The following MPG variants were observed in gnomAD, a reference collection of about 807,000 sequenced individuals.
The protein encoded by MPG is DNA-3-methyladenine glycosylase.
MPG carries 33 observed loss-of-function variants against 31.7 expected under a neutral mutation model. The observed-to-expected ratio is 1.04, with a 90% CI of 0.79 to 1.39. MPG has a LOEUF of 1.39. Ranked by LOEUF, MPG falls within the 40% of genes most tolerant of loss-of-function variation. MPG has a pLI of 0.00. For missense variants in MPG, 455 were observed against 415.5 expected (o/e 1.10, Z -0.83); for synonymous variants, 202 against 169.2 (o/e 1.19, Z -1.51).
chr16:85,420 G>A lies in MPG; in HGVS notation c.525G>A (p.Leu175=), dbSNP rs1476173587. Residue 175 remains leucine, a synonymous_variant, in exon 4 of 4, where the codon TTG becomes TTA. Transcript: ENST00000356432. ...CCACAGGGGACGGGGCTTGCGTCTTGCTGCGAGCACTGGAGCCCCTGGAAG... is the reference window on the plus strand; with the variant it reads ...CCACAGGGGACGGGGCTTGCGTCTTACTGCGAGCACTGGAGCCCCTGGAAG... The part of the protein sequence containing the change: ...ISSQGDGACV[L]LRALEPLEGL... The A allele has an allele frequency of 1.2e-6, 2 of 1,609,274 alleles. No homozygotes were observed.
At position 79,673 on chromosome 16, in the gene MPG, C is replaced by A; in HGVS notation, c.273C>A (p.Val91=). 3 of 1,564,756 alleles carry A rather than the reference C, an allele frequency of 1.9e-6. No homozygotes were observed. Among genetic ancestry groups the A allele is most frequent in the Non-Finnish European group, 2.6e-6 (3 of 1,153,550 alleles). ...LGLEFFDQPA[V]PLARAFLGQV... ...TGGAGTTCTTCGACCAGCCGGCAGTCCCCCTGGCCCGGGCATTTCTGGGAC... is the reference window on the plus strand; with the variant it reads ...TGGAGTTCTTCGACCAGCCGGCAGTACCCCTGGCCCGGGCATTTCTGGGAC... The change falls in exon 2 of 4, where the codon GTC becomes GTA. Residue 91 remains valine (V), a synonymous_variant. Transcript: ENST00000356432.
intron 2 of MPG, among the ~76,000 whole-genome samples, chr16:80,257 G>C (rs1195863761): frequency 6.6e-6 from 1 of 152,248 alleles, no homozygotes; most frequent in Admixed American, 6.5e-5. Context: ...GGCTGGATCT[G>C]TTGGGAGCGA....
In MPG at chr16:85,821, C is replaced by T. The variant is rs891188275; in HGVS notation, c.*44C>T. On this transcript the variant is annotated 3_prime_UTR_variant, in exon 4 of 4. Transcript: ENST00000356432. ...CAAGATTTTTTAATTGTTTAAAAAC[C>T]GAATAAATGTTTTATTTCTAGAAAA... is the stretch of plus-strand genomic sequence containing the variant. 1.7e-5 allele frequency: 24 copies of T among 1,441,766 alleles called. No homozygotes were observed. Among genetic ancestry groups the T allele is most frequent in the African/African-American group, 2.9e-5 (2 of 69,888 alleles). 89.3% of individuals were successfully genotyped at this position (1,441,766 alleles called of 1,614,324 possible).
At chr16:84,791 C>T (rs1244398246) in intron 3 of MPG, among the ~76,000 whole-genome samples, 5 of 152,302 alleles carry the variant, frequency 3.3e-5, no homozygotes, top group East Asian at 1.9e-4. Flanking sequence ...TGCAGTCAGT[C>T]CTTCCACTGA....
chr16:77,283 G>A (rs1439508247), upstream of MPG, among the ~76,000 whole-genome samples: 1 of 152,240 alleles, frequency 6.6e-6, no homozygotes, highest in Non-Finnish European at 1.5e-5. Context: ...CAGAAGCGGG[G>A]GATGGCTCTG....
intron 3 of MPG, 130 bp from the exon 4 acceptor site, chr16:85,271 C>T: frequency 9.0e-7 from 1 of 1,114,964 alleles, no homozygotes; most frequent in Non-Finnish European, 1.3e-6. Context: ...TGCAGGTGCA[C>T]AGAGCAGGTC....
intron 2 of MPG, among the ~76,000 whole-genome samples, chr16:81,519 T>C (rs1898234731): frequency 6.7e-6 from 1 of 150,184 alleles, no homozygotes; most frequent in South Asian, 2.1e-4. Flanking sequence ...GCCTGTTCAC[T>C]TCTGTCCTCA....
At chr16:80,636 C>T (rs570904901) in intron 2 of MPG, among the ~76,000 whole-genome samples, 1 of 152,086 alleles carries the variant, frequency 6.6e-6, no homozygotes, top group Middle Eastern at 3.2e-3. Flanking sequence ...TGGTGAAACC[C>T]CATCTCTACT....
upstream of MPG, among the ~76,000 whole-genome samples, chr16:77,794 C>T (rs1430521261): frequency 1.3e-5 from 2 of 152,140 alleles, no homozygotes; most frequent in Admixed American, 6.5e-5. Flanking sequence ...GCGCTCACTC[C>T]GCTGGCACCC....
upstream of MPG, among the ~76,000 whole-genome samples, chr16:77,499 C>A (rs1219144316): frequency 6.6e-6 from 1 of 152,208 alleles, no homozygotes; most frequent in African/African-American, 2.4e-5. Context: ...TGCGCACTGC[C>A]GGGCCGTGTT....
chr16:83,994 A>G (rs1233306047), intron 3 of MPG, among the ~76,000 whole-genome samples: 2 of 152,098 alleles, frequency 1.3e-5, no homozygotes, highest in African/African-American at 4.8e-5. Context: ...AAGTGATCAA[A>G]GGGGTCATGT....
In MPG at chr16:80,859, G is replaced by A. The variant is rs564203149; in HGVS notation, c.300+1159G>A. ...CATTTGTGATACAACAAAACAGCAC[G>A]TGTGGCAGGTGCGTCGTAGGAACAG... On this transcript the variant is annotated intron_variant, in intron 2 of 3. Coordinates refer to ENST00000356432, the MANE Select transcript of MPG (RefSeq NM_001015052.3). Among the ~76,000 whole-genome samples, 14 of 152,350 alleles carry A rather than the reference G, an allele frequency of 9.2e-5. No homozygotes were observed. In the South Asian group the frequency reaches 2.1e-3, roughly 23 times the overall value.
Position 79,616 on chromosome 16 carries a change from A to G in MPG, c.216A>G (p.Ser72=). The G allele has an allele frequency of 6.3e-7, 1 of 1,598,258 alleles. No homozygotes were observed. The highest frequency in any genetic ancestry group is 8.5e-7 in the Non-Finnish European group (1 of 1,171,880). Residue 72 remains serine, a synonymous_variant, in exon 2 of 4, where the codon TCA becomes TCG. Coordinates refer to ENST00000356432, the MANE Select transcript of MPG (RefSeq NM_001015052.3). The stretch of plus-strand genomic sequence containing the variant: ...GCCCATACCGCAGCATCTATTTCTC[A>G]AGCCCAAAGGGCCACCTTACCCGAC... ...TPGPYRSIYF[S]SPKGHLTRLG...
intron 2 of MPG, among the ~76,000 whole-genome samples, chr16:81,529 A>G (rs1279680653): frequency 1.5e-5 from 2 of 131,906 alleles, no homozygotes; most frequent in Non-Finnish European, 3.2e-5. Context: ...TTCTGTCCTC[A>G]TGGCTCTGGA....
intron 2 of MPG, 110 bp from the exon 3 acceptor site, chr16:82,942 C>A (rs1898290836): frequency 1.1e-6 from 1 of 936,896 alleles, no homozygotes; most frequent in Non-Finnish European, 1.6e-6. Flanking sequence ...CTGGCTAGAC[C>A]TGGGCGGCTG....
At chr16:84,190 G>A (rs1463007077) in intron 3 of MPG, 1 of 152,282 alleles carries the variant, frequency 6.6e-6, no homozygotes, top group Non-Finnish European at 1.5e-5. Flanking sequence ...CTACTGAGGT[G>A]GGTCAGGGTG....
Position 85,717 on chromosome 16 carries a change from C to G in MPG, c.822C>G (p.Val274=). The change falls in exon 4 of 4, where the codon GTC becomes GTG. Residue 274 remains valine (V), a synonymous_variant. Coordinates refer to ENST00000356432, the MANE Select transcript of MPG (RefSeq NM_001015052.3). ...EWARKPLRFY[V]RGSPWVSVVD... ...CCCGGAAACCCCTCCGCTTCTATGTCCGGGGCAGCCCCTGGGTCAGTGTGG... is the reference window on the plus strand; with the variant it reads ...CCCGGAAACCCCTCCGCTTCTATGTGCGGGGCAGCCCCTGGGTCAGTGTGG... 6.5e-7 allele frequency: 1 copy of G among 1,531,712 alleles called. No individual in the cohort carries two copies. The highest frequency in any genetic ancestry group is 8.8e-7 in the Non-Finnish European group (1 of 1,136,680). The allele number at this position is 1,531,712 out of a possible 1,614,324, so 94.9% of individuals were successfully genotyped here.
chr16:80,620 C>T (rs1898212974), intron 2 of MPG, among the ~76,000 whole-genome samples: 1 of 152,034 alleles, frequency 6.6e-6, no homozygotes, highest in Non-Finnish European at 1.5e-5. Flanking sequence ...ACCAGCCTGA[C>T]CAACATGGTG....
Position 78,244 on chromosome 16 carries a change from TG to T in MPG, c.-64del. On this transcript the variant is annotated 5_prime_UTR_variant, in exon 1 of 4. Transcript: ENST00000356432. ...CGCCCCGGTCCTAGGGGTGCTTCCG[TG>T]GTCGGCGGCTGCTGGGCTCCGCGCC... is the stretch of plus-strand genomic sequence containing the variant. The T allele has an allele frequency of 7.4e-7, 1 of 1,353,474 alleles. No individual in the cohort carries two copies. Among genetic ancestry groups the T allele is most frequent in the African/African-American group, 1.5e-5 (1 of 65,320 alleles). 83.8% of individuals were successfully genotyped at this position (1,353,474 alleles called of 1,614,324 possible).
Sources: gnomAD v4.1 joint callset for allele counts (sites outside exome capture counted in the v4.1 genomes callset) on GRCh38, gnomAD v4.1.1 for gene constraint, MANE v1.5 for transcripts, NCBI Gene and HGNC (gene_info 2026-07-23, HGNC 2026-07-21) for gene names.